Variants in KLHDC8A observed in about 807,000 individuals in gnomAD.
KLHDC8A encodes kelch domain containing 8A.
In KLHDC8A, 21 loss-of-function variants were observed where a neutral mutation model predicts 33.1. The observed-to-expected ratio is 0.64, with a 90% CI of 0.45 to 0.91. KLHDC8A has a LOEUF of 0.91. KLHDC8A is among the 40% of genes least tolerant of loss of function. The probability of loss-of-function intolerance (pLI) is 0.00; values close to 1 mark genes in which losing one functional copy is unlikely to be tolerated. For synonymous variants in KLHDC8A, 173 were observed against 193.5 expected (o/e 0.89, Z 0.88); for missense variants, 435 against 483.3 (o/e 0.90, Z 0.94).
chr1:205,353,119 A>G (rs900867986), intron 1 of KLHDC8A, among the ~76,000 whole-genome samples: 4 of 152,206 alleles, frequency 2.6e-5, no homozygotes, highest in East Asian at 1.9e-4. Context: ...TCCTCCCTAA[A>G]TCACAGGTTG....
chr1:205,350,855 G>GCGCGCA (rs1663083186), intron 1 of KLHDC8A, among the ~76,000 whole-genome samples: 2 of 148,910 alleles, frequency 1.3e-5, no homozygotes, highest in East Asian at 3.9e-4. Context: ...GCATGTGTGT[G>GCGCGCA]TGCATGTGTG....
rs1662657953 is a variant in KLHDC8A, at chr1:205,337,257, T to C, written c.*142A>G. The C allele has an allele frequency of 1.5e-6, 1 of 667,732 alleles. No individual in the cohort carries two copies. Among genetic ancestry groups the C allele is most frequent in the Non-Finnish European group, 2.6e-6 (1 of 383,890 alleles). The allele number at this position is 667,732 out of a possible 1,614,324, so 41.4% of individuals were successfully genotyped here. On this transcript the variant is annotated 3_prime_UTR_variant, in exon 6 of 6. Coordinates refer to ENST00000367155, the MANE Select transcript of KLHDC8A (RefSeq NM_018203.3). ...ATTTGGAGCTATAGAGAGGTCAACT[T>C]AGAGCCCCAAGGCCAGACTCCACTG...
intron 4 of KLHDC8A, 82 bp from the exon 5 acceptor site, chr1:205,338,678 T>C (rs1339980985): frequency 1.1e-5 from 12 of 1,103,778 alleles, no homozygotes; most frequent in East Asian, 9.5e-5. Context: ...GTGGCCCAAA[T>C]AGCTTTCACC....
Position 205,343,692 on chromosome 1 carries a change from C to T in KLHDC8A, c.-88G>A. Reference sequence around the variant, plus strand: ...TGGCGCCGGCTCCCACGGCCCCTATCGCCACCTCCATCTGGCTCCCGAGCG... The same window carrying T: ...TGGCGCCGGCTCCCACGGCCCCTATTGCCACCTCCATCTGGCTCCCGAGCG... On this transcript the variant is annotated 5_prime_UTR_variant, in exon 2 of 6. Transcript: ENST00000367155. The T allele has an allele frequency of 7.2e-7, 1 of 1,379,728 alleles. No homozygotes were observed. Among genetic ancestry groups the T allele is most frequent in the South Asian group, 1.5e-5 (1 of 67,528 alleles). The allele number at this position is 1,379,728 out of a possible 1,614,324, so 85.5% of individuals were successfully genotyped here.
chr1:205,355,310 G>A (rs553455767), intron 1 of KLHDC8A, among the ~76,000 whole-genome samples: 1 of 152,266 alleles, frequency 6.6e-6, no homozygotes, highest in African/African-American at 2.4e-5. Context: ...TTGGCTTTGT[G>A]CTTTCTGCTT....
intron 1 of KLHDC8A, among the ~76,000 whole-genome samples, chr1:205,352,100 C>T (rs973711215): frequency 5.9e-5 from 9 of 152,166 alleles, no homozygotes; most frequent in Non-Finnish European, 8.8e-5. Flanking sequence ...ACACTCAGCC[C>T]GGGCCCTCCA....
chr1:205,346,106 C>T lies in KLHDC8A; in HGVS notation c.-189-2313G>A, dbSNP rs561223158. Among the ~76,000 whole-genome samples the T allele has an allele frequency of 3.9e-5, 6 of 152,144 alleles. No homozygotes were observed. The East Asian group carries it at 5.8e-4, about 15-fold the overall frequency. Reference sequence around the variant, plus strand: ...TTAAAAATTCCACTGTTTTTTAGTTCGAATTCTCTGTACTTACAAAGTAAG... The same window carrying T: ...TTAAAAATTCCACTGTTTTTTAGTTTGAATTCTCTGTACTTACAAAGTAAG... On this transcript the variant is annotated intron_variant, in intron 1 of 5. Transcript: ENST00000367155.
chr1:205,353,813 ATTTACTCTG>A (rs1305633320), intron 1 of KLHDC8A, among the ~76,000 whole-genome samples: 2 of 152,242 alleles, frequency 1.3e-5, no homozygotes, highest in African/African-American at 4.8e-5. Context: ...TACCAGGGAC[ATTTACTCTG>A]TTTATCACAT....
At position 205,343,568 on chromosome 1, in the gene KLHDC8A, G is replaced by T. The variant is rs969467098; in HGVS notation, c.37C>A (p.Arg13Ser). The stretch of plus-strand genomic sequence containing the variant: ...CGGCGGCTGGGCAGTGGCGCCAGGC[G>T]CTTCCACTGGAAGTCCTTGACGTTA... ...VPNVKDFQWK[R>S]LAPLPSRRVY... Residue 13 changes from arginine to serine, a missense_variant, in exon 2 of 6, where the codon CGC becomes AGC. Arg to Ser is a moderately radical substitution (Grantham distance 110, BLOSUM62 -1). Coordinates refer to ENST00000367155, the MANE Select transcript of KLHDC8A (RefSeq NM_018203.3). 1 of 1,610,106 alleles carries T rather than the reference G, an allele frequency of 6.2e-7. No homozygotes were observed. Among genetic ancestry groups the T allele is most frequent in the South Asian group, 1.1e-5 (1 of 90,978 alleles).
rs1439414838 is a variant in KLHDC8A, at chr1:205,336,519, T to C, written c.*880A>G. 2 of 152,582 alleles carry C rather than the reference T, an allele frequency of 1.3e-5. No homozygotes were observed. Among genetic ancestry groups the C allele is most frequent in the African/African-American group, 4.8e-5 (2 of 41,422 alleles). The allele number at this position is 152,582 out of a possible 1,614,324, so 9.5% of individuals were successfully genotyped here. ...CCCCACACCAGGGTGCTAGAGAAGA[T>C]AGGAATATAGATTTTAATCATTGTG... On this transcript the variant is annotated 3_prime_UTR_variant, in exon 6 of 6. Transcript: ENST00000367155.
intron 1 of KLHDC8A, among the ~76,000 whole-genome samples, chr1:205,350,401 C>G (rs575207284): frequency 9.9e-4 from 151 of 152,240 alleles, no homozygotes; most frequent in African/African-American, 3.5e-3. Flanking sequence ...TCAGGTCATC[C>G]CGACATGGCT....
In KLHDC8A at chr1:205,339,214, T is replaced by A; in HGVS notation, c.737A>T (p.Asp246Val). Residue 246 changes from aspartate (D) to valine (V), a missense_variant, in exon 4 of 6, where the codon GAC becomes GTC. Asp to Val is a radical substitution (Grantham distance 152, BLOSUM62 -3). Coordinates refer to ENST00000367155, the MANE Select transcript of KLHDC8A (RefSeq NM_018203.3). This position sits in a 1 kb window ranked among gnomAD's most constrained non-coding sequence, Gnocchi z 5.1. ...CTCACCCTGTTCCATGTCGAACACG[T>A]CCATCGTCCGCAGGAACTTGGGCTG... is the stretch of plus-strand genomic sequence containing the variant. ...YRQPKFLRTM[D>V]VFDMEQGGWL... The A allele has an allele frequency of 2.5e-6, 4 of 1,614,090 alleles. No homozygotes were observed. Among genetic ancestry groups the A allele is most frequent in the Non-Finnish European group, 3.4e-6 (4 of 1,180,000 alleles).
At chr1:205,354,949 G>A (rs1663223545) in intron 1 of KLHDC8A, among the ~76,000 whole-genome samples, 1 of 152,208 alleles carries the variant, frequency 6.6e-6, no homozygotes. Context: ...TTCTCCTGAA[G>A]AATTGCACTT....
chr1:205,338,031 T>G (rs1662682432), intron 5 of KLHDC8A, among the ~76,000 whole-genome samples: 1 of 152,190 alleles, frequency 6.6e-6, no homozygotes, highest in Non-Finnish European at 1.5e-5. Context: ...TTAGAGTCCC[T>G]CCTTCAAAAT....
intron 1 of KLHDC8A, among the ~76,000 whole-genome samples, chr1:205,349,308 C>T (rs1663030405): frequency 6.6e-6 from 1 of 152,228 alleles, no homozygotes; most frequent in South Asian, 2.1e-4. Flanking sequence ...GAATCAGCCA[C>T]ATTCCTTCAG....
rs1488869413 is a variant in KLHDC8A at position 205,338,409 on chromosome 1, G to T, written c.859+86C>A. 2.6e-5 allele frequency: 28 copies of T among 1,060,856 alleles called. No individual in the cohort carries two copies. In the East Asian group the frequency reaches 5.0e-4, roughly 19 times the overall value. 65.7% of individuals were successfully genotyped at this position (1,060,856 alleles called of 1,614,324 possible). ...TAGGCAGGTGGTCTGCAGGGAGTCA[G>T]TACCCTTTCCTGCATATGCAAAGTG... On this transcript the variant is annotated intron_variant, in intron 5 of 5. Transcript: ENST00000367155.
At position 205,337,283 on chromosome 1, in the gene KLHDC8A, G is replaced by A. The variant is rs1662658912; in HGVS notation, c.*116C>T. ...AGAGCCCCAAGGCCAGACTCCACTGGTTGCTAACAGGAGCTGACATTCTTG... is the reference window on the plus strand; with the variant it reads ...AGAGCCCCAAGGCCAGACTCCACTGATTGCTAACAGGAGCTGACATTCTTG... On this transcript the variant is annotated 3_prime_UTR_variant, in exon 6 of 6. Transcript: ENST00000367155. The A allele has an allele frequency of 4.9e-6, 4 of 815,950 alleles. No homozygotes were observed. Among genetic ancestry groups the A allele is most frequent in the Non-Finnish European group, 8.0e-6 (4 of 498,052 alleles). The allele number at this position is 815,950 out of a possible 1,614,324, so 50.5% of individuals were successfully genotyped here.
intron 1 of KLHDC8A, among the ~76,000 whole-genome samples, chr1:205,356,120 T>C (rs1663266465): frequency 6.8e-6 from 1 of 147,980 alleles, no homozygotes; most frequent in South Asian, 2.2e-4. Flanking sequence ...CCAGTGTCTA[T>C]TGTTCCCATC....
chr1:205,337,662 A>C (rs897861608), intron 5 of KLHDC8A, 70 bp from the exon 6 acceptor site: 1 of 1,180,604 alleles, frequency 8.5e-7, no homozygotes, highest in Non-Finnish European at 1.2e-6. Flanking sequence ...CGGTCACCCC[A>C]CCTCCCTCCC....
Sources: gnomAD v4.1 joint callset for allele counts (sites outside exome capture counted in the v4.1 genomes callset) on GRCh38, gnomAD v4.1.1 for gene constraint, Gnocchi (gnomAD v3.1) non-coding constraint, MANE v1.5 for transcripts, NCBI Gene and HGNC (gene_info 2026-07-23, HGNC 2026-07-21) for gene names.